The following FBXO11 variants were observed in gnomAD, a reference collection of about 807,000 sequenced individuals.
FBXO11 encodes F-box protein 11, also known as F-box only protein 11.
Under a neutral mutation model 117.0 loss-of-function variants are expected in FBXO11, and 13 were observed. The ratio of observed to expected loss-of-function variants is 0.11; its 90% CI spans 0.07 to 0.18. FBXO11 has a LOEUF of 0.18. Among genes scored for constraint, FBXO11 ranks in the 10% least tolerant of loss-of-function variants. The probability of loss-of-function intolerance (pLI) is 1.00; values close to 1 mark genes in which losing one functional copy is unlikely to be tolerated. For missense variants in FBXO11, 767 were observed against 1,164.4 expected (o/e 0.66, Z 4.97); for synonymous variants, 490 against 380.5 (o/e 1.29, Z -3.35).
At chr2:47,843,657 TTG>T (rs1673181754) in intron 1 of FBXO11, among the ~76,000 whole-genome samples, 1 of 152,184 alleles carries the variant, frequency 6.6e-6, no homozygotes, top group Admixed American at 6.5e-5. Context: ...CTGTTTTGGT[TTG>T]TGTCAGTCTA....
At chr2:47,883,019 C>G (rs1347080874) in intron 1 of FBXO11, among the ~76,000 whole-genome samples, 2 of 152,158 alleles carry the variant, frequency 1.3e-5, no homozygotes, top group Non-Finnish European at 2.9e-5. Flanking sequence ...GCCCTGCCAT[C>G]TCTTTTCTGA....
chr2:47,866,804 T>C (rs998932153), intron 1 of FBXO11, among the ~76,000 whole-genome samples: 7 of 152,282 alleles, frequency 4.6e-5, no homozygotes, highest in Non-Finnish European at 8.8e-5. Context: ...ACCTTTCAGC[T>C]GCATGTCACT....
At chr2:47,900,418 A>G (rs534659752) in intron 1 of FBXO11, among the ~76,000 whole-genome samples, 1 of 152,126 alleles carries the variant, frequency 6.6e-6, no homozygotes, top group East Asian at 1.9e-4. Flanking sequence ...AAGTTAAAAT[A>G]TCACATGCTA....
intron 1 of FBXO11, among the ~76,000 whole-genome samples, chr2:47,894,999 A>G (rs1178956095): frequency 6.6e-6 from 1 of 152,196 alleles, no homozygotes; most frequent in African/African-American, 2.4e-5. Flanking sequence ...ATTTCCAATT[A>G]TTTTAGTAAC....
At chr2:47,853,329 C>T (rs1056230433) in intron 1 of FBXO11, among the ~76,000 whole-genome samples, 1 of 152,072 alleles carries the variant, frequency 6.6e-6, no homozygotes, top group Admixed American at 6.6e-5. Context: ...CTCGGCCTCC[C>T]ACAGTGCTGA....
intron 11 of FBXO11, among the ~76,000 whole-genome samples, chr2:47,824,086 G>T (rs1390714870): frequency 6.6e-6 from 1 of 152,146 alleles, no homozygotes; most frequent in Non-Finnish European, 1.5e-5. Flanking sequence ...AGGAAAAACA[G>T]CAAAACATCT....
chr2:47,862,553 C>T (rs919026803), intron 1 of FBXO11, among the ~76,000 whole-genome samples: 1 of 152,150 alleles, frequency 6.6e-6, no homozygotes, highest in African/African-American at 2.4e-5. Flanking sequence ...CCTTCCAGAG[C>T]AGCTAGGACT....
intron 1 of FBXO11, among the ~76,000 whole-genome samples, chr2:47,900,665 TACGTATATACACACG>T: frequency 3.0e-5 from 2 of 66,878 alleles, no homozygotes; most frequent in Non-Finnish European, 6.6e-5. Context: ...TACACACACG[TACGTATATACACACG>T]TATACACACA....
intron 1 of FBXO11, among the ~76,000 whole-genome samples, chr2:47,894,330 G>A (rs529848211): frequency 6.6e-5 from 10 of 152,282 alleles, no homozygotes; most frequent in African/African-American, 2.4e-4. Flanking sequence ...AGACAATAAA[G>A]GGTAGTCAAG....
At chr2:47,863,611 A>C (rs1299079503) in intron 1 of FBXO11, among the ~76,000 whole-genome samples, 2 of 152,174 alleles carry the variant, frequency 1.3e-5, no homozygotes, top group East Asian at 3.9e-4. Flanking sequence ...ATGGCATAAC[A>C]GTTTTTCAAG....
intron 1 of FBXO11, among the ~76,000 whole-genome samples, chr2:47,893,593 T>G (rs918567125): frequency 2.0e-5 from 3 of 152,184 alleles, no homozygotes; most frequent in Admixed American, 6.5e-5. Flanking sequence ...ATTTCAAATT[T>G]TATTTAAACT....
chr2:47,817,770 A>C (rs540403432), intron 16 of FBXO11, among the ~76,000 whole-genome samples: 1 of 152,364 alleles, frequency 6.6e-6, no homozygotes, highest in Admixed American at 6.5e-5. Context: ...GAACAGTCAG[A>C]ACACACACAA....
At chr2:47,822,143 A>G in intron 13 of FBXO11, 75 bp downstream of exon 13, 1 of 1,040,736 alleles carries the variant, frequency 9.6e-7, no homozygotes, top group Non-Finnish European at 1.4e-6. Flanking sequence ...GTAGTTTCAA[A>G]ATGTTCCATC....
intron 1 of FBXO11, among the ~76,000 whole-genome samples, chr2:47,876,159 G>C (rs1353696077): frequency 6.6e-6 from 1 of 152,108 alleles, no homozygotes; most frequent in Non-Finnish European, 1.5e-5. Context: ...ATTTAGTTTT[G>C]GTAAAATACC....
intron 1 of FBXO11, among the ~76,000 whole-genome samples, chr2:47,872,510 G>A (rs1675697844): frequency 6.6e-6 from 1 of 152,166 alleles, no homozygotes; most frequent in Non-Finnish European, 1.5e-5. Flanking sequence ...TTTTAGGAGA[G>A]ACGGGGTTTC....
At position 47,905,637 on chromosome 2, in the gene FBXO11, C is replaced by G; in HGVS notation, c.84G>C (p.Pro28=). The change falls in exon 1 of 23, where the codon CCG becomes CCC. Residue 28 remains proline, a synonymous_variant. Coordinates refer to ENST00000403359, the MANE Select transcript of FBXO11 (RefSeq NM_001190274.2). ...GGGGCGGCTGCGGCGGCGGCTGCTG[C>G]GGGGGCTGCTGCTGCTGTTGCTGCA... The part of the protein sequence containing the change: ...RPVQQQQQQP[P]QQPPPQPPQQ... The G allele has an allele frequency of 7.1e-7, 1 of 1,417,606 alleles. No individual in the cohort carries two copies. The highest frequency in any genetic ancestry group is 3.1e-5 in the East Asian group (1 of 32,694). The allele number at this position is 1,417,606 out of a possible 1,614,324, so 87.8% of individuals were successfully genotyped here. A position where few individuals can be genotyped will look rare whatever the true frequency, so the allele number is the denominator to read the frequency against.
chr2:47,886,063 A>G (rs1676815196), intron 1 of FBXO11, among the ~76,000 whole-genome samples: 1 of 147,290 alleles, frequency 6.8e-6, no homozygotes, highest in Admixed American at 6.7e-5. Flanking sequence ...TTAAAAACAA[A>G]TTTGGCAACA....
chr2:47,865,067 CAG>C (rs2103780994), intron 1 of FBXO11, among the ~76,000 whole-genome samples: 1 of 152,280 alleles, frequency 6.6e-6, no homozygotes, highest in Admixed American at 6.5e-5. Flanking sequence ...CAGGAATTAA[CAG>C]AGTTGTGTTA....
intron 1 of FBXO11, among the ~76,000 whole-genome samples, chr2:47,860,317 T>C (rs953783443): frequency 2.6e-4 from 40 of 152,060 alleles, no homozygotes; most frequent in African/African-American, 9.7e-4. Context: ...GCATGAGAAA[T>C]TGGCTATATT....
Sources: gnomAD v4.1 joint callset for allele counts (sites outside exome capture counted in the v4.1 genomes callset) on GRCh38, gnomAD v4.1.1 for gene constraint, MANE v1.5 for transcripts, NCBI Gene and HGNC (gene_info 2026-07-23, HGNC 2026-07-21) for gene names.